Variants in PARM1 observed in about 807,000 individuals in gnomAD.
PARM1 encodes the protein WSC4, cell wall integrity and stress response component 4 homolog.
Under a neutral mutation model 24.6 loss-of-function variants are expected in PARM1, and 14 were observed. That is an observed-to-expected ratio of 0.57 (90% confidence interval 0.38 to 0.89). The LOEUF (loss-of-function observed/expected upper bound fraction) is 0.89, where lower values mean the gene tolerates loss of function less well. Among genes scored for constraint, PARM1 ranks in the 40% least tolerant of loss-of-function variants. The pLI is 0.00. For missense variants in PARM1, 362 were observed against 380.4 expected (o/e 0.95, Z 0.40); for synonymous variants, 179 against 156.6 (o/e 1.14, Z -1.07).
intron 2 of PARM1, among the ~76,000 whole-genome samples, chr4:75,026,077 A>G: frequency 6.6e-6 from 1 of 152,240 alleles, no homozygotes; most frequent in East Asian, 1.9e-4. Flanking sequence ...ATTTACAGAG[A>G]CAAGCTTAGG....
In PARM1 at chr4:74,964,062, T is replaced by A. The variant is rs143313048; in HGVS notation, c.43+30692T>A. On this transcript the variant is annotated intron_variant, in intron 1 of 3. Coordinates refer to ENST00000307428, the MANE Select transcript of PARM1 (RefSeq NM_015393.4). ...CCTCGCTAGGGAATGGTGCGTGGTGTCAGGGAGTTTGAGTGGACACTGAAA... is the reference window on the plus strand; with the variant it reads ...CCTCGCTAGGGAATGGTGCGTGGTGACAGGGAGTTTGAGTGGACACTGAAA... Among the ~76,000 whole-genome samples the A allele has an allele frequency of 1.8e-4, 27 of 152,318 alleles. No homozygotes were observed. The East Asian group carries it at 5.2e-3, about 29-fold the overall frequency.
chr4:74,989,257 C>T (rs1722416189), intron 1 of PARM1, among the ~76,000 whole-genome samples: 1 of 152,118 alleles, frequency 6.6e-6, no homozygotes, highest in African/African-American at 2.4e-5. Context: ...TCCCACAAGA[C>T]TGCCCCTACT....
At chr4:74,979,151 A>C (rs1221212425) in intron 1 of PARM1, among the ~76,000 whole-genome samples, 3 of 151,976 alleles carry the variant, frequency 2.0e-5, no homozygotes, top group African/African-American at 4.8e-5. Flanking sequence ...CACACACAAA[A>C]AAAAACCTTC....
At chr4:75,043,703 G>A (rs1177081004) in intron 3 of PARM1, among the ~76,000 whole-genome samples, 3 of 152,158 alleles carry the variant, frequency 2.0e-5, no homozygotes, top group East Asian at 1.9e-4. Context: ...TCATTCTACA[G>A]CTTCCATTTC....
intron 3 of PARM1, among the ~76,000 whole-genome samples, chr4:75,045,539 T>C (rs1208028338): frequency 6.6e-6 from 1 of 152,254 alleles, no homozygotes; most frequent in Non-Finnish European, 1.5e-5. Context: ...CTCTAAGTGC[T>C]GGATTTAGAT....
At chr4:75,008,724 A>T (rs987604140) in intron 1 of PARM1, among the ~76,000 whole-genome samples, 1 of 152,228 alleles carries the variant, frequency 6.6e-6, no homozygotes, top group African/African-American at 2.4e-5. Context: ...CAGGAAGCTG[A>T]GTATGAGCTC....
At chr4:74,955,854 A>C (rs934711740) in intron 1 of PARM1, 4 of 152,230 alleles carry the variant, frequency 2.6e-5, no homozygotes, top group African/African-American at 9.6e-5. Context: ...ATTACAGTCC[A>C]TTATGTAGAG....
At position 75,022,344 on chromosome 4, in the gene PARM1, C is replaced by T. The variant is rs937226896; in HGVS notation, c.769+9194C>T. 3.9e-5 allele frequency among the ~76,000 whole-genome samples: 6 copies of T among 152,156 alleles called. 1 individual carries two copies. The highest frequency in any genetic ancestry group is 1.3e-4 in the Admixed American group (2 of 15,294). On this transcript the variant is annotated intron_variant, in intron 2 of 3. Transcript: ENST00000307428. The stretch of plus-strand genomic sequence containing the variant: ...ATTTTATTTTAAGTAAAAATTATTC[C>T]GAATTATTGTCTCTTCTTCTTATAT...
intron 2 of PARM1, among the ~76,000 whole-genome samples, chr4:75,018,199 G>T (rs1362524429): frequency 6.6e-6 from 1 of 152,162 alleles, no homozygotes; most frequent in African/African-American, 2.4e-5. Flanking sequence ...TGTGCACATG[G>T]CATATGGCAT....
chr4:75,001,121 T>C lies in PARM1; in HGVS notation c.44-11304T>C, dbSNP rs1310484128. 2.6e-5 allele frequency among the ~76,000 whole-genome samples: 4 copies of C among 152,142 alleles called. No homozygotes were observed. In the East Asian group the frequency reaches 7.7e-4, roughly 29 times the overall value. On this transcript the variant is annotated intron_variant, in intron 1 of 3. Coordinates refer to ENST00000307428, the MANE Select transcript of PARM1 (RefSeq NM_015393.4). The stretch of plus-strand genomic sequence containing the variant: ...TAAAGATTAGGTGACTTATTACACA[T>C]AAAATACCCAGAATATGGCATGTAA...
rs1723637807 is a variant in PARM1, at chr4:75,047,804, A to G, written c.*1557A>G. 1 of 152,160 alleles carries G rather than the reference A, an allele frequency of 6.6e-6. No homozygotes were observed. Among genetic ancestry groups the G allele is most frequent in the African/African-American group, 2.4e-5 (1 of 41,416 alleles). The allele number at this position is 152,160 out of a possible 1,614,324, so 9.4% of individuals were successfully genotyped here. A position where few individuals can be genotyped will look rare whatever the true frequency, so the allele number is the denominator to read the frequency against. ...AATGATGTGTTAAGTTTTTATTTCC[A>G]AAGTGTTTAGTTTATTGGCTGATGG... On this transcript the variant is annotated 3_prime_UTR_variant, in exon 4 of 4. Coordinates refer to ENST00000307428, the MANE Select transcript of PARM1 (RefSeq NM_015393.4).
In PARM1 at chr4:75,013,163, C is replaced by A. The variant is rs919052; in HGVS notation, c.769+13C>A. On this transcript the variant is annotated intron_variant, in intron 2 of 3. Transcript: ENST00000307428. ...GCATTAAGTTCAGGTGAGTCTCTATCCAGTCCACTAGTTTTCTTTACTACA... is the reference window on the plus strand; with the variant it reads ...GCATTAAGTTCAGGTGAGTCTCTATACAGTCCACTAGTTTTCTTTACTACA... The A allele has an allele frequency of 6.2e-7, 1 of 1,601,066 alleles. No homozygotes were observed. The highest frequency in any genetic ancestry group is 1.1e-5 in the South Asian group (1 of 89,092).
chr4:75,008,176 G>A (rs1165515680), intron 1 of PARM1, among the ~76,000 whole-genome samples: 1 of 152,190 alleles, frequency 6.6e-6, no homozygotes, highest in African/African-American at 2.4e-5. Context: ...GGCTTCTAAA[G>A]CCTCATTCAA....
At chr4:75,034,859 C>A (rs972849941) in intron 3 of PARM1, 1 of 152,464 alleles carries the variant, frequency 6.6e-6, no homozygotes, top group African/African-American at 2.4e-5. Flanking sequence ...TCCTGAAAAA[C>A]CCCAGTGGCT....
At chr4:75,039,094 G>A (rs189288761) in intron 3 of PARM1, among the ~76,000 whole-genome samples, 24 of 152,270 alleles carry the variant, frequency 1.6e-4, no homozygotes, top group Non-Finnish European at 1.5e-5. Context: ...AGCCATAAAG[G>A]CCAAGATCTT....
At chr4:74,955,693 T>G (rs1159556962) in intron 1 of PARM1, among the ~76,000 whole-genome samples, 1 of 152,220 alleles carries the variant, frequency 6.6e-6, no homozygotes, top group African/African-American at 2.4e-5. Context: ...CACTCTTGCA[T>G]GAATTCATCT....
chr4:74,936,438 GTT>G (rs33956924), intron 1 of PARM1, among the ~76,000 whole-genome samples: 466 of 31,776 alleles, frequency 0.015, 4 homozygotes, highest in South Asian at 0.035. Context: ...ACATTCAAGT[GTT>G]TTTTTTTTGT....
chr4:74,991,594 A>G (rs1425526755), intron 1 of PARM1, among the ~76,000 whole-genome samples: 1 of 152,190 alleles, frequency 6.6e-6, no homozygotes. Flanking sequence ...ATACTTATGT[A>G]GAAACATCAC....
At chr4:75,028,209 G>A (rs183236874) in intron 2 of PARM1, among the ~76,000 whole-genome samples, 2 of 152,196 alleles carry the variant, frequency 1.3e-5, no homozygotes, top group Non-Finnish European at 2.9e-5. Context: ...TGCTATTACT[G>A]TTGTTCTTTG....
Sources: gnomAD v4.1 joint callset for allele counts (sites outside exome capture counted in the v4.1 genomes callset) on GRCh38, gnomAD v4.1.1 for gene constraint, MANE v1.5 for transcripts, NCBI Gene and HGNC (gene_info 2026-07-23, HGNC 2026-07-21) for gene names.